Variants in LAMP2 observed in about 807,000 individuals in gnomAD.
The protein encoded by LAMP2 is lysosome-associated membrane glycoprotein 2.
Under a neutral mutation model 25.6 loss-of-function variants are expected in LAMP2, and 4 were observed. The ratio of observed to expected loss-of-function variants is 0.16; its 90% CI spans 0.08 to 0.36. LAMP2 has a LOEUF of 0.36. Among genes scored for constraint, LAMP2 ranks in the 10% least tolerant of loss-of-function variants. The pLI, the probability that LAMP2 is intolerant of heterozygous loss-of-function variation, is 1.00. For synonymous variants in LAMP2, 108 were observed against 112.7 expected (o/e 0.96, Z 0.27); for missense variants, 272 against 301.4 (o/e 0.90, Z 0.72).
chrX:120,440,907 T>C (rs932663524), intron 8 of LAMP2, among the ~76,000 whole-genome samples: 5 of 112,250 alleles, frequency 4.5e-5, no homozygotes, highest in South Asian at 3.7e-4. Flanking sequence ...ACTGCAAAAG[T>C]AGTCGAATGG....
At chrX:120,438,548 T>C (rs2058555882) in intron 8 of LAMP2, 1 of 749,442 alleles carries the variant, frequency 1.3e-6, no homozygotes. Context: ...GCCACATAAA[T>C]ACAAATGTAT....
Position 120,429,506 on chromosome X carries a change from C to A in LAMP2, c.*1817G>T. On this transcript the variant is annotated 3_prime_UTR_variant, in exon 9 of 9. Coordinates refer to ENST00000200639, the MANE Select transcript of LAMP2 (RefSeq NM_002294.3). ...GGTCAACAAGTATTCATTCTCTTCT[C>A]TTTTCCTCTTATGCTCATGATCCCA... 1.4e-6 allele frequency: 1 copy of A among 740,057 alleles called. No homozygotes were observed. Among genetic ancestry groups the A allele is most frequent in the Non-Finnish European group, 1.6e-6 (1 of 626,678 alleles). The allele number at this position is 740,057 out of a possible 1,213,427, so 61.0% of individuals were successfully genotyped here. A position where few individuals can be genotyped will look rare whatever the true frequency, so the allele number is the denominator to read the frequency against.
intron 8 of LAMP2, 143 bp downstream of exon 8, chrX:120,441,587 A>G: frequency 2.0e-6 from 1 of 489,723 alleles, no homozygotes. Flanking sequence ...CAAAATGATG[A>G]GCCAAATATA....
chrX:120,441,042 C>T (rs1000679373), intron 8 of LAMP2, among the ~76,000 whole-genome samples: 5 of 112,378 alleles, frequency 4.4e-5, no homozygotes, highest in African/African-American at 9.7e-5. Flanking sequence ...GATCCACAAA[C>T]CCCCAATTTT....
In LAMP2 at chrX:120,456,521, T is replaced by TA. The variant is rs918651621; in HGVS notation, c.183+129dup. The TA allele has an allele frequency of 4.1e-5, 17 of 414,094 alleles. No homozygotes were observed. In the South Asian group the frequency reaches 4.3e-4, roughly 10 times the overall value. The allele number at this position is 414,094 out of a possible 1,213,427, so 34.1% of individuals were successfully genotyped here. ...AGAATAACTTCTGAGTGTGTATGCT[T>TA]AAAAAAAATCCCAGAGTTTCAGCAT... On this transcript the variant is annotated intron_variant, in intron 2 of 8. Transcript: ENST00000200639.
At chrX:120,440,453 C>G (rs916140304) in intron 8 of LAMP2, among the ~76,000 whole-genome samples, 5 of 112,046 alleles carry the variant, frequency 4.5e-5, no homozygotes, top group African/African-American at 9.7e-5. Context: ...TAGGTACCCA[C>G]AGCCAAGAAC....
chrX:120,453,645 T>C (rs762842318), intron 3 of LAMP2, among the ~76,000 whole-genome samples: 30 of 111,524 alleles, frequency 2.7e-4, no homozygotes, highest in African/African-American at 9.1e-4. Context: ...CTGTCTCTAC[T>C]AAAAATACAA....
intron 1 of LAMP2, among the ~76,000 whole-genome samples, chrX:120,458,997 T>C (rs1329267086): frequency 8.9e-6 from 1 of 111,928 alleles, no homozygotes; most frequent in Non-Finnish European, 1.9e-5. Flanking sequence ...AACATTCCCA[T>C]ATGAAATTTA....
At chrX:120,469,307 C>A (rs144321444), upstream of LAMP2, 272 of 572,822 alleles carry the variant, frequency 4.7e-4, 2 homozygotes, top group African/African-American at 5.4e-3. Context: ...CAGGAATCGG[C>A]GCTTCAGTGC....
At chrX:120,464,131 T>C (rs1210113471) in intron 1 of LAMP2, among the ~76,000 whole-genome samples, 1 of 111,323 alleles carries the variant, frequency 9.0e-6, no homozygotes, top group East Asian at 2.8e-4. Flanking sequence ...TAATTCTCCA[T>C]ATTACCCCCT....
chrX:120,440,174 A>G lies in LAMP2; in HGVS notation c.1093+1556T>C, dbSNP rs1210062661. 7.2e-5 allele frequency among the ~76,000 whole-genome samples: 8 copies of G among 111,861 alleles called. No homozygotes were observed. The Admixed American group carries it at 7.6e-4, about 11-fold the overall frequency. On this transcript the variant is annotated intron_variant, in intron 8 of 8. Transcript: ENST00000200639. ...ACCATATGGCACCAAAGCCTAAAACACTCACTGTTTGGAACTTTAAAGTTT... is the reference window on the plus strand; with the variant it reads ...ACCATATGGCACCAAAGCCTAAAACGCTCACTGTTTGGAACTTTAAAGTTT...
chrX:120,445,292 A>G (rs1354188619), intron 6 of LAMP2, among the ~76,000 whole-genome samples: 3 of 112,574 alleles, frequency 2.7e-5, no homozygotes, highest in Non-Finnish European at 5.6e-5. Flanking sequence ...TGAATGCTGG[A>G]AAAAGGAACA....
At chrX:120,468,535 C>G (rs1229743718) in intron 1 of LAMP2, among the ~76,000 whole-genome samples, 4 of 110,573 alleles carry the variant, frequency 3.6e-5, no homozygotes, top group Non-Finnish European at 7.6e-5. Flanking sequence ...TTCACAGTCT[C>G]AAATTCCAAC....
chrX:120,436,129 T>TACACACAC (rs752616648), intron 8 of LAMP2, among the ~76,000 whole-genome samples: 6 of 89,661 alleles, frequency 6.7e-5, no homozygotes, highest in African/African-American at 1.7e-4. Context: ...CAGGGGAGCT[T>TACACACAC]ACACACACAC....
intron 8 of LAMP2, chrX:120,436,985 T>C: frequency 2.7e-6 from 2 of 747,606 alleles, no homozygotes; most frequent in Non-Finnish European, 3.2e-6. Flanking sequence ...TCATGTGAAA[T>C]AGTTAAGGCC....
At chrX:120,436,535 A>G (rs1468008356) in intron 8 of LAMP2, 2 of 730,055 alleles carry the variant, frequency 2.7e-6, no homozygotes, top group African/African-American at 4.7e-5. Flanking sequence ...TTTAGAAGCA[A>G]TTTTGAGCAA....
intron 3 of LAMP2, among the ~76,000 whole-genome samples, chrX:120,454,584 C>A (rs1038779222): frequency 2.7e-5 from 3 of 109,214 alleles, no homozygotes; most frequent in African/African-American, 6.7e-5. Flanking sequence ...GAGACACCCC[C>A]CCCAACCCCC....
chrX:120,467,084 C>T (rs1357594942), intron 1 of LAMP2, among the ~76,000 whole-genome samples: 5 of 112,010 alleles, frequency 4.5e-5, no homozygotes, highest in South Asian at 7.4e-4. Flanking sequence ...TCAGGTGATC[C>T]GCCCGCCTCA....
At chrX:120,467,215 T>C (rs1012535190) in intron 1 of LAMP2, among the ~76,000 whole-genome samples, 1 of 111,933 alleles carries the variant, frequency 8.9e-6, no homozygotes, top group Non-Finnish European at 1.9e-5. Flanking sequence ...TCCTCGAGAG[T>C]CACTGAATTA....
Sources: allele counts gnomAD v4.1 joint callset (sites outside exome capture counted in the v4.1 genomes callset), GRCh38; gene constraint gnomAD v4.1.1; transcripts MANE v1.5; gene names NCBI Gene and HGNC (gene_info 2026-07-23, HGNC 2026-07-21).